Variants in DDX50 observed in about 807,000 individuals in gnomAD.
The protein encoded by DDX50 is ATP-dependent RNA helicase DDX50.
DDX50 carries 56 observed loss-of-function variants against 94.8 expected under a neutral mutation model. The observed-to-expected ratio is 0.59, with a 90% confidence interval of 0.48 to 0.74. The LOEUF (loss-of-function observed/expected upper bound fraction) is 0.74, where lower values mean the gene tolerates loss of function less well. Among genes scored for constraint, DDX50 ranks in the 30% least tolerant of loss-of-function variants. DDX50 has a pLI of 0.00. For missense variants in DDX50, 713 were observed against 881.2 expected, an observed-to-expected ratio of 0.81 and a Z score of 2.42; for synonymous variants, 264 against 295.4, an observed-to-expected ratio of 0.89 and a Z score of 1.09.
chr10:68,927,938 C>G (rs1367880268), intron 8 of DDX50, among the ~76,000 whole-genome samples: 1 of 152,130 alleles, frequency 6.6e-6, no homozygotes, highest in African/African-American at 2.4e-5. Flanking sequence ...GGGAGGATCT[C>G]TTAGCCCAGT....
rs1398499321 is a variant in DDX50 at position 68,923,823 on chromosome 10, C to T, written c.1239+3842C>T. ...CTTCCCAAAGTGCTGGGATTATAGA[C>T]GTGAGCCACCATACCCGGCCATATA... On this transcript the variant is annotated intron_variant, in intron 8 of 14. Transcript: ENST00000373585. 5.3e-5 allele frequency among the ~76,000 whole-genome samples: 8 copies of T among 151,366 alleles called. No individual in the cohort carries two copies. The South Asian group carries it at 1.0e-3, about 20-fold the overall frequency.
chr10:68,940,441 A>G (rs1842529454), intron 12 of DDX50, among the ~76,000 whole-genome samples: 1 of 150,528 alleles, frequency 6.6e-6, no homozygotes, highest in Non-Finnish European at 1.5e-5. Context: ...TTTTTTTGAG[A>G]CAGGGTCTAG....
intron 1 of DDX50, chr10:68,906,138 C>T (rs1841437985): frequency 6.6e-6 from 1 of 152,374 alleles, no homozygotes; most frequent in African/African-American, 2.4e-5. Flanking sequence ...AAGAGCCTCA[C>T]GTTAGTTCAA....
At chr10:68,928,857 T>C (rs540797611) in intron 8 of DDX50, among the ~76,000 whole-genome samples, 1 of 152,352 alleles carries the variant, frequency 6.6e-6, no homozygotes, top group South Asian at 2.1e-4. Context: ...TGTATTATTC[T>C]TGAATTTATT....
chr10:68,930,445 A>G (rs1378940111), intron 8 of DDX50, among the ~76,000 whole-genome samples: 1 of 152,078 alleles, frequency 6.6e-6, no homozygotes, highest in Non-Finnish European at 1.5e-5. Flanking sequence ...CCAGTTGCAG[A>G]AGCTAAACAT....
Position 68,901,425 on chromosome 10 carries a change from A to C in DDX50, c.41A>C (p.Glu14Ala), listed in dbSNP as rs778709889. 1.1e-5 allele frequency: 17 copies of C among 1,575,872 alleles called. No homozygotes were observed. The highest frequency in any genetic ancestry group is 2.3e-5 in the South Asian group (2 of 85,694). ...CTCTGGGGGGACATTATGGAGCTGG[A>C]AGCACCCTTGGAGGAGTCCGAGAGC... Reference protein sequence around the residue: ...KLLWGDIMELEAPLEESESQK... With the variant: ...KLLWGDIMELAAPLEESESQK... Residue 14 changes from glutamate (E) to alanine (A), a missense_variant, in exon 1 of 15, where the codon GAA (glutamate) becomes GCA (alanine). Glu to Ala is a moderately radical substitution (Grantham distance 107, BLOSUM62 -1). This residue lies in a region of DDX50 where 285 missense variants were observed against 278.9 expected (regional missense o/e 1.02). Coordinates refer to ENST00000373585, the MANE Select transcript of DDX50 (RefSeq NM_024045.2).
At chr10:68,926,873 G>C (rs1173288056) in intron 8 of DDX50, among the ~76,000 whole-genome samples, 2 of 151,732 alleles carry the variant, frequency 1.3e-5, no homozygotes, top group East Asian at 1.9e-4. Flanking sequence ...CATGAATGTA[G>C]TATGTTCCTC....
intron 12 of DDX50, among the ~76,000 whole-genome samples, chr10:68,937,589 T>G (rs1842455206): frequency 6.7e-6 from 1 of 149,936 alleles, no homozygotes; most frequent in Non-Finnish European, 1.5e-5. Flanking sequence ...TATAAGTTTT[T>G]TTTTTTTTTT....
chr10:68,945,347 C>T (rs1564620467), intron 14 of DDX50, among the ~76,000 whole-genome samples: 1 of 151,982 alleles, frequency 6.6e-6, no homozygotes, highest in Non-Finnish European at 1.5e-5. Flanking sequence ...CACTCTGTCG[C>T]CCAGGCTGGA....
chr10:68,922,797 T>TC (rs1234492938), intron 8 of DDX50, among the ~76,000 whole-genome samples: 16 of 66,484 alleles, frequency 2.4e-4, no homozygotes, highest in Non-Finnish European at 3.4e-4. Flanking sequence ...TTTCTCTCTC[T>TC]TTTTTTTTTT....
At chr10:68,936,253 T>C (rs7084726) in intron 11 of DDX50, among the ~76,000 whole-genome samples, 174 bp downstream of exon 11, 144,088 of 150,998 alleles carry the variant, frequency 0.95, 68,794 homozygotes, top group East Asian at 1. Flanking sequence ...TTTGGGAGGC[T>C]GAGGCGGGCA....
At chr10:68,913,139 T>G (rs1314602419) in intron 4 of DDX50, 23 bp from the exon 5 acceptor site, 1 of 1,561,818 alleles carries the variant, frequency 6.4e-7, no homozygotes, top group Non-Finnish European at 8.6e-7. Context: ...AGTATCTTTT[T>G]GTTTTTTAAA....
At chr10:68,907,109 T>G in intron 2 of DDX50, 102 bp downstream of exon 2, 1 of 1,150,594 alleles carries the variant, frequency 8.7e-7, no homozygotes, top group South Asian at 1.5e-5. Flanking sequence ...ATTTCTTGAT[T>G]AGTGTCTAGT....
intron 8 of DDX50, among the ~76,000 whole-genome samples, chr10:68,923,101 C>A (rs1275586191): frequency 8.8e-6 from 1 of 114,206 alleles, no homozygotes; most frequent in African/African-American, 3.6e-5. Flanking sequence ...CTGAGTATGA[C>A]CCTTTCTCTT....
chr10:68,916,772 C>T (rs979321413), intron 7 of DDX50, among the ~76,000 whole-genome samples: 20 of 152,192 alleles, frequency 1.3e-4, no homozygotes, highest in African/African-American at 4.3e-4. Context: ...CAACCTCCAC[C>T]TCCCTGGTTC....
intron 8 of DDX50, among the ~76,000 whole-genome samples, chr10:68,925,520 A>G (rs1385928362): frequency 6.6e-6 from 1 of 152,194 alleles, no homozygotes; most frequent in Non-Finnish European, 1.5e-5. Flanking sequence ...TGTGGGAACT[A>G]GAGACTCAAA....
intron 8 of DDX50, among the ~76,000 whole-genome samples, chr10:68,930,003 G>C (rs1842210578): frequency 6.6e-6 from 1 of 151,716 alleles, no homozygotes. Flanking sequence ...AAAGTACTGG[G>C]ATTACAGGTG....
rs146111516 is a variant in DDX50, at chr10:68,907,455, A to G, written c.384+448A>G. 2.4e-3 allele frequency among the ~76,000 whole-genome samples: 362 copies of G among 151,108 alleles called. 1 individual carries two copies. The highest frequency in any genetic ancestry group is 8.5e-3 in the African/African-American group (350 of 41,200). ...GTCAGCCTCTCAAGTAGCTGGGATT[A>G]CGGGCACGCACCACCATGCCTGGCA... On this transcript the variant is annotated intron_variant, in intron 2 of 14. Coordinates refer to ENST00000373585, the MANE Select transcript of DDX50 (RefSeq NM_024045.2).
rs117627829 is a variant in DDX50, at chr10:68,912,734, C to T, written c.640-428C>T. On this transcript the variant is annotated intron_variant, in intron 4 of 14. Coordinates refer to ENST00000373585, the MANE Select transcript of DDX50 (RefSeq NM_024045.2). Reference sequence around the variant, plus strand: ...TCCTAGCACATGGTGAACATTCATTCGTTTAACATTTTTGAGTTTCCTGTA... The same window carrying T: ...TCCTAGCACATGGTGAACATTCATTTGTTTAACATTTTTGAGTTTCCTGTA... Among the ~76,000 whole-genome samples the T allele has an allele frequency of 6.6e-5, 10 of 152,276 alleles. No individual in the cohort carries two copies. The East Asian group carries it at 1.7e-3, about 26-fold the overall frequency.
Sources: allele counts gnomAD v4.1 joint callset (sites outside exome capture counted in the v4.1 genomes callset), GRCh38; gene constraint gnomAD v4.1.1; regional missense constraint gnomAD v4.1.1; transcripts MANE v1.5; gene names NCBI Gene and HGNC (gene_info 2026-07-23, HGNC 2026-07-21).